Variants in SFXN1 observed in about 807,000 individuals in gnomAD.
The protein encoded by SFXN1 is sideroflexin 1.
A neutral mutation model predicts 39.5 loss-of-function variants in SFXN1; 32 were observed. The ratio of observed to expected loss-of-function variants is 0.81; its 90% CI spans 0.61 to 1.09. The LOEUF is 1.09. Ranked by LOEUF, SFXN1 falls within the 50% of genes least tolerant of loss-of-function variation. The pLI, the probability that SFXN1 is intolerant of heterozygous loss-of-function variation, is 0.00. For missense variants in SFXN1, 402 were observed against 407.1 expected, an observed-to-expected ratio of 0.99 and a Z score of 0.11; for synonymous variants, 136 against 146.5, an observed-to-expected ratio of 0.93 and a Z score of 0.52.
chr5:175,503,329 A>T (rs1356834585), intron 2 of SFXN1, among the ~76,000 whole-genome samples: 1 of 152,234 alleles, frequency 6.6e-6, no homozygotes, highest in African/African-American at 2.4e-5. Context: ...TAAATGATTT[A>T]AAAAATACAA....
Position 175,512,148 on chromosome 5 carries a change from C to A in SFXN1, c.548C>A (p.Ala183Asp). 6.2e-7 allele frequency: 1 copy of A among 1,614,158 alleles called. No individual in the cohort carries two copies. The highest frequency in any genetic ancestry group is 1.1e-5 in the South Asian group (1 of 91,082). ...SPLIGRFVPF[A>D]AVAAANCINI... The stretch of plus-strand genomic sequence containing the variant: ...CTGATAGGACGTTTTGTTCCCTTTG[C>A]TGCCGTAGCTGCTGCTAATTGCATT... The change falls in exon 6 of 11, where the codon GCT (alanine) becomes GAT (aspartate). Residue 183 changes from alanine (A) to aspartate (D), a missense_variant. Ala to Asp is a moderately radical substitution (Grantham distance 126). Coordinates refer to ENST00000321442, the MANE Select transcript of SFXN1 (RefSeq NM_022754.7).
At chr5:175,492,964 G>A (rs1192290421) in intron 2 of SFXN1, among the ~76,000 whole-genome samples, 3 of 152,128 alleles carry the variant, frequency 2.0e-5, no homozygotes, top group Non-Finnish European at 4.4e-5. Flanking sequence ...TTAAAAAAAT[G>A]TAAAAACCGC....
chr5:175,509,265 T>C, intron 3 of SFXN1, 63 bp downstream of exon 3: 1 of 1,481,950 alleles, frequency 6.7e-7, no homozygotes, highest in East Asian at 2.3e-5. Context: ...TATATTTTTG[T>C]ATGTAAATAA....
intron 2 of SFXN1, 57 bp downstream of exon 2, chr5:175,492,324 G>T: frequency 8.0e-6 from 11 of 1,375,488 alleles, no homozygotes; most frequent in Admixed American, 5.3e-5. Context: ...ATGTTAGGCT[G>T]CTATCTTTAA....
intron 1 of SFXN1, among the ~76,000 whole-genome samples, chr5:175,480,366 A>G (rs926098416): frequency 6.6e-6 from 1 of 151,680 alleles, no homozygotes; most frequent in Non-Finnish European, 1.5e-5. Flanking sequence ...GCGCCACTGC[A>G]CTCCAGCCTG....
chr5:175,505,421 C>T (rs2113318382), intron 2 of SFXN1, among the ~76,000 whole-genome samples: 1 of 151,670 alleles, frequency 6.6e-6, no homozygotes, highest in African/African-American at 2.4e-5. Flanking sequence ...CCTGTAATCC[C>T]AGTTACCCAG....
intron 8 of SFXN1, among the ~76,000 whole-genome samples, chr5:175,518,934 A>G (rs1458796478): frequency 6.6e-6 from 1 of 152,214 alleles, no homozygotes; most frequent in African/African-American, 2.4e-5. Context: ...CTTTAAAACT[A>G]TACAGAAAAT....
intron 2 of SFXN1, among the ~76,000 whole-genome samples, chr5:175,499,292 A>G (rs898022182): frequency 6.6e-5 from 10 of 152,046 alleles, no homozygotes; most frequent in African/African-American, 2.2e-4. Flanking sequence ...CACAAACTCC[A>G]GCAGAAAGCA....
At chr5:175,507,903 T>C (rs1233779451) in intron 2 of SFXN1, among the ~76,000 whole-genome samples, 1 of 151,558 alleles carries the variant, frequency 6.6e-6, no homozygotes, top group East Asian at 1.9e-4. Flanking sequence ...AGCTCAGCAG[T>C]TCAAGGCTGC....
chr5:175,500,291 CAAT>C (rs775329428), intron 2 of SFXN1, among the ~76,000 whole-genome samples: 1 of 151,346 alleles, frequency 6.6e-6, no homozygotes, highest in Non-Finnish European at 1.5e-5. Flanking sequence ...TATCTAGTAG[CAAT>C]TAACAACTGT....
intron 7 of SFXN1, among the ~76,000 whole-genome samples, chr5:175,514,851 C>T (rs888737679): frequency 1.3e-5 from 2 of 152,222 alleles, no homozygotes; most frequent in South Asian, 4.1e-4. Flanking sequence ...CAGCCACAGT[C>T]CTGAAACATG....
Position 175,510,174 on chromosome 5 carries a change from C to A in SFXN1, c.401C>A (p.Thr134Asn). The change falls in exon 4 of 11, where the codon ACC becomes AAC. Residue 134 changes from threonine (T) to asparagine (N), a missense_variant. Coordinates refer to ENST00000321442, the MANE Select transcript of SFXN1 (RefSeq NM_022754.7). ...TCCTTCAATGCCGTCGTCAATTACA[C>A]CAACAGAAGTGGAGACGCACCCCTC... Reference protein sequence around the residue: ...NQSFNAVVNYTNRSGDAPLTV... With the variant: ...NQSFNAVVNYNNRSGDAPLTV... 2 of 1,613,366 alleles carry A rather than the reference C, an allele frequency of 1.2e-6. No individual in the cohort carries two copies. The highest frequency in any genetic ancestry group is 1.7e-6 in the Non-Finnish European group (2 of 1,179,770).
chr5:175,519,290 G>A (rs1760807721), intron 8 of SFXN1, among the ~76,000 whole-genome samples: 1 of 152,140 alleles, frequency 6.6e-6, no homozygotes. Context: ...AAATAGTGAG[G>A]CAGTTTCTTA....
At chr5:175,514,556 T>G (rs1760651643) in intron 7 of SFXN1, among the ~76,000 whole-genome samples, 1 of 152,212 alleles carries the variant, frequency 6.6e-6, no homozygotes, top group African/African-American at 2.4e-5. Flanking sequence ...CAAACAGCGC[T>G]TGGCAATTAA....
intron 2 of SFXN1, among the ~76,000 whole-genome samples, chr5:175,504,921 G>A (rs1760230552): frequency 6.6e-6 from 1 of 151,980 alleles, no homozygotes; most frequent in African/African-American, 2.4e-5. Flanking sequence ...GTAGAGACGA[G>A]ATTTCACAGT....
intron 1 of SFXN1, among the ~76,000 whole-genome samples, chr5:175,488,422 C>T (rs933647758): frequency 6.6e-6 from 1 of 152,124 alleles, no homozygotes; most frequent in African/African-American, 2.4e-5. Flanking sequence ...CCTGCCTCAG[C>T]CTCCCGAGTA....
chr5:175,508,713 C>G (rs1581305349), intron 2 of SFXN1, among the ~76,000 whole-genome samples: 1 of 152,150 alleles, frequency 6.6e-6, no homozygotes, highest in East Asian at 1.9e-4. Flanking sequence ...TCTTGGCTCA[C>G]TGTAACCTCT....
intron 2 of SFXN1, among the ~76,000 whole-genome samples, chr5:175,508,288 T>C (rs1186123613): frequency 6.8e-6 from 1 of 146,426 alleles, no homozygotes; most frequent in Non-Finnish European, 1.5e-5. Flanking sequence ...TACAGTGGTA[T>C]GATGACTGCT....
chr5:175,525,330 C>T (rs1378809967), intron 10 of SFXN1, among the ~76,000 whole-genome samples: 2 of 152,162 alleles, frequency 1.3e-5, no homozygotes, highest in African/African-American at 4.8e-5. Context: ...AATTATAATA[C>T]TGGACTTACA....
Sources: gnomAD v4.1 joint callset for allele counts (sites outside exome capture counted in the v4.1 genomes callset) on GRCh38, gnomAD v4.1.1 for gene constraint, MANE v1.5 for transcripts, NCBI Gene and HGNC (gene_info 2026-07-23, HGNC 2026-07-21) for gene names.